Variants in LSAMP observed in about 807,000 individuals in gnomAD.
The protein encoded by LSAMP is limbic system-associated membrane protein.
Under a neutral mutation model 38.6 loss-of-function variants are expected in LSAMP, and 7 were observed. The ratio of observed to expected loss-of-function variants is 0.18; its 90% confidence interval spans 0.10 to 0.34. The LOEUF is 0.34. Ranked by LOEUF, LSAMP falls within the 10% of genes least tolerant of loss-of-function variation. The pLI is 1.00. For synonymous variants in LSAMP, 154 were observed against 166.8 expected (o/e 0.92, Z 0.59); for missense variants, 313 against 420.0 (o/e 0.75, Z 2.23).
chr3:115,825,919 C>A (rs1247553664), intron 6 of LSAMP, among the ~76,000 whole-genome samples: 1 of 151,982 alleles, frequency 6.6e-6, no homozygotes, highest in East Asian at 1.9e-4. Flanking sequence ...ATGTTTATTT[C>A]TTTTTGTAAA....
chr3:116,279,140 GT>G (rs1424077935), intron 1 of LSAMP, among the ~76,000 whole-genome samples: 2 of 152,204 alleles, frequency 1.3e-5, no homozygotes, highest in African/African-American at 4.8e-5. Context: ...TTAAAAGTAT[GT>G]TAATTCTATG....
chr3:116,418,631 A>G (rs1361394875), intron 1 of LSAMP, among the ~76,000 whole-genome samples: 3 of 152,222 alleles, frequency 2.0e-5, no homozygotes, highest in Non-Finnish European at 4.4e-5. Flanking sequence ...GCCATGGGAC[A>G]CAATTATATC....
intron 3 of LSAMP, among the ~76,000 whole-genome samples, chr3:115,911,091 C>A (rs902725656): frequency 6.6e-6 from 1 of 152,072 alleles, no homozygotes; most frequent in Admixed American, 6.6e-5. Context: ...TAAATATGTA[C>A]AAATGTCATG....
chr3:115,994,643 A>G (rs1939765234), intron 3 of LSAMP, among the ~76,000 whole-genome samples: 1 of 152,074 alleles, frequency 6.6e-6, no homozygotes, highest in African/African-American at 2.4e-5. Flanking sequence ...ATGTCTTGGG[A>G]TTTCAATAGA....
chr3:115,832,577 T>C (rs1328447201), intron 6 of LSAMP, among the ~76,000 whole-genome samples: 6 of 152,086 alleles, frequency 3.9e-5, no homozygotes, highest in African/African-American at 1.2e-4. Flanking sequence ...TTAACCTCGA[T>C]TGGAAAGAGG....
intron 3 of LSAMP, among the ~76,000 whole-genome samples, chr3:115,958,530 T>C (rs975092679): frequency 1.1e-4 from 17 of 152,050 alleles, no homozygotes; most frequent in African/African-American, 4.1e-4. Context: ...GAGGAGAAAA[T>C]GGAGGTTGAT....
At chr3:115,842,362 A>C (rs1935024452) in intron 5 of LSAMP, 96 bp downstream of exon 5, 3 of 1,458,856 alleles carry the variant, frequency 2.1e-6, no homozygotes, top group Non-Finnish European at 2.8e-6. Flanking sequence ...AGTTCTACAT[A>C]ATTACAACTG....
intron 3 of LSAMP, among the ~76,000 whole-genome samples, chr3:115,913,290 T>C (rs1937173944): frequency 6.6e-6 from 1 of 152,250 alleles, no homozygotes; most frequent in African/African-American, 2.4e-5. Context: ...ATGTAAATGA[T>C]ACTATGTTTC....
At chr3:116,303,188 T>C (rs1256984219) in intron 1 of LSAMP, among the ~76,000 whole-genome samples, 1 of 152,212 alleles carries the variant, frequency 6.6e-6, no homozygotes, top group African/African-American at 2.4e-5. Flanking sequence ...TGTCAAGTTG[T>C]CTCTGGCTTA....
intron 1 of LSAMP, among the ~76,000 whole-genome samples, chr3:116,439,502 C>T (rs973502179): frequency 6.6e-6 from 1 of 150,616 alleles, no homozygotes; most frequent in African/African-American, 2.5e-5. Context: ...ATAGCAAGCC[C>T]TCCACATACA....
intron 3 of LSAMP, among the ~76,000 whole-genome samples, chr3:115,857,844 C>G (rs957223140): frequency 6.6e-6 from 1 of 152,280 alleles, no homozygotes; most frequent in Non-Finnish European, 1.5e-5. Context: ...GGGCCTAGAG[C>G]TAATGGCAAG....
chr3:115,895,223 G>C (rs1285367639), intron 3 of LSAMP, among the ~76,000 whole-genome samples: 1 of 152,020 alleles, frequency 6.6e-6, no homozygotes, highest in Non-Finnish European at 1.5e-5. Context: ...TCAATCTCTT[G>C]ACTGTGAATT....
At chr3:116,059,567 G>T (rs375989122) in intron 2 of LSAMP, among the ~76,000 whole-genome samples, 1 of 152,124 alleles carries the variant, frequency 6.6e-6, no homozygotes, top group Non-Finnish European at 1.5e-5. Context: ...TAAAGGTGCA[G>T]CACAGTTCCA....
intron 1 of LSAMP, among the ~76,000 whole-genome samples, chr3:116,278,300 C>T (rs951701554): frequency 5.9e-5 from 9 of 152,036 alleles, no homozygotes; most frequent in Non-Finnish European, 5.9e-5. Flanking sequence ...TTCAATAATT[C>T]GGCTCCTAGA....
At chr3:116,252,193 C>A (rs1392662054) in intron 1 of LSAMP, among the ~76,000 whole-genome samples, 8 of 152,156 alleles carry the variant, frequency 5.3e-5, no homozygotes, top group Admixed American at 3.3e-4. Context: ...CCAATGTGCA[C>A]CTAGTCCATA....
chr3:115,841,310 T>C (rs770308205), intron 6 of LSAMP, among the ~76,000 whole-genome samples: 3 of 152,200 alleles, frequency 2.0e-5, no homozygotes, highest in Non-Finnish European at 4.4e-5. Flanking sequence ...CAACCATTTT[T>C]CCTCCTTTAG....
At chr3:116,016,197 A>T (rs925687815) in intron 3 of LSAMP, among the ~76,000 whole-genome samples, 1 of 152,160 alleles carries the variant, frequency 6.6e-6, no homozygotes, top group South Asian at 2.1e-4. Context: ...TTTAAAAACC[A>T]TGAAAACAAA....
chr3:115,990,712 TATC>T (rs1306605259), intron 3 of LSAMP, among the ~76,000 whole-genome samples: 6 of 152,078 alleles, frequency 3.9e-5, no homozygotes, highest in Admixed American at 3.9e-4. Context: ...ACCATTTTCC[TATC>T]ATCAACGGCC....
At chr3:115,949,442 A>G (rs1938210668) in intron 3 of LSAMP, among the ~76,000 whole-genome samples, 1 of 151,954 alleles carries the variant, frequency 6.6e-6, no homozygotes, top group Non-Finnish European at 1.5e-5. Context: ...ATTCAAGGCT[A>G]CTATGAACAC....
Sources: gnomAD v4.1 joint callset for allele counts (sites outside exome capture counted in the v4.1 genomes callset) on GRCh38, gnomAD v4.1.1 for gene constraint, MANE v1.5 for transcripts, NCBI Gene and HGNC (gene_info 2026-07-23, HGNC 2026-07-21) for gene names.